GRIA4: variants seen among roughly 807,000 people sequenced by gnomAD.
GRIA4 encodes the protein glutamate receptor 4.
Under a neutral mutation model 104.0 loss-of-function variants are expected in GRIA4, and 34 were observed. The observed-to-expected ratio is 0.33, with a 90% CI of 0.25 to 0.44. The LOEUF (loss-of-function observed/expected upper bound fraction) is 0.44. GRIA4 is among the 20% of genes least tolerant of loss of function. The probability of loss-of-function intolerance (pLI) is 1.00; values close to 1 mark genes in which losing one functional copy is unlikely to be tolerated. For synonymous variants in GRIA4, 386 were observed against 381.9 expected (o/e 1.01, Z -0.13); for missense variants, 750 against 1,096.5 (o/e 0.68, Z 4.46).
intron 3 of GRIA4, among the ~76,000 whole-genome samples, chr11:105,632,583 A>T (rs1221719456): frequency 6.6e-6 from 1 of 152,174 alleles, no homozygotes; most frequent in African/African-American, 2.4e-5. Flanking sequence ...AATGGGAATG[A>T]CAACTTGCCT....
At chr11:105,761,165 G>T (rs929051445) in intron 4 of GRIA4, among the ~76,000 whole-genome samples, 5 of 151,842 alleles carry the variant, frequency 3.3e-5, no homozygotes, top group Admixed American at 1.3e-4. Flanking sequence ...AAAATATTTT[G>T]GAATTTTTAG....
chr11:105,727,422 C>T (rs759982763), intron 3 of GRIA4, among the ~76,000 whole-genome samples: 19 of 152,008 alleles, frequency 1.2e-4, no homozygotes, highest in East Asian at 7.7e-4. Context: ...CTGAAAGTGA[C>T]GGGAGAATGG....
chr11:105,965,644 T>G (rs1480980297), intron 14 of GRIA4, among the ~76,000 whole-genome samples: 1 of 148,242 alleles, frequency 6.7e-6, no homozygotes, highest in African/African-American at 2.5e-5. Context: ...TCTTTCTCAA[T>G]TACTAGTAAA....
chr11:105,742,299 C>A (rs1939361252), intron 3 of GRIA4, among the ~76,000 whole-genome samples: 1 of 152,020 alleles, frequency 6.6e-6, no homozygotes, highest in Non-Finnish European at 1.5e-5. Flanking sequence ...GCTTTAAACC[C>A]CTACACATAT....
chr11:105,838,113 A>G (rs1944261862), intron 4 of GRIA4, among the ~76,000 whole-genome samples: 1 of 152,234 alleles, frequency 6.6e-6, no homozygotes, highest in African/African-American at 2.4e-5. Flanking sequence ...AAGGTAAAAA[A>G]AGAATTATTT....
At chr11:105,922,530 A>G (rs1947592631) in intron 11 of GRIA4, among the ~76,000 whole-genome samples, 1 of 152,180 alleles carries the variant, frequency 6.6e-6, no homozygotes, top group South Asian at 2.1e-4. Context: ...GTAAAGCTGG[A>G]AACAATATGA....
At chr11:105,798,000 A>G (rs650951) in intron 4 of GRIA4, 166,618 of 345,226 alleles carry the variant, frequency 0.48, 41,062 homozygotes, top group Middle Eastern at 0.52. Flanking sequence ...AGCACCTACT[A>G]TGTGCCAGGA....
At chr11:105,923,444 T>C (rs1465862053) in intron 11 of GRIA4, among the ~76,000 whole-genome samples, 1 of 152,128 alleles carries the variant, frequency 6.6e-6, no homozygotes, top group Non-Finnish European at 1.5e-5. Flanking sequence ...TTTCATCATC[T>C]AGACAATGAT....
chr11:105,727,925 C>G (rs1345636287), intron 3 of GRIA4, among the ~76,000 whole-genome samples: 5 of 152,078 alleles, frequency 3.3e-5, no homozygotes, highest in African/African-American at 1.2e-4. Context: ...CAAAAACAAA[C>G]CAAAATGTAA....
rs148624519 is a variant in GRIA4 at position 105,701,152 on chromosome 11, G to A, written c.248-51829G>A. On this transcript the variant is annotated intron_variant, in intron 3 of 16. Transcript: ENST00000282499. ...CCTGAGACCGACTGAGGCACTTTTC[G>A]TCTGTGCCCATTTATTGTGCTGTTG... Among the ~76,000 whole-genome samples the A allele has an allele frequency of 2.5e-3, 386 of 152,238 alleles. 1 individual carries two copies. Among genetic ancestry groups the A allele is most frequent in the African/African-American group, 6.7e-3 (277 of 41,550 alleles).
At chr11:105,627,552 A>C (rs1429012632) in intron 3 of GRIA4, among the ~76,000 whole-genome samples, 1 of 152,192 alleles carries the variant, frequency 6.6e-6, no homozygotes, top group African/African-American at 2.4e-5. Flanking sequence ...ATACACTAAG[A>C]AGCCGTTTCC....
At chr11:105,918,971 T>C (rs1947482975) in intron 11 of GRIA4, 53 bp downstream of exon 11, 1 of 1,066,306 alleles carries the variant, frequency 9.4e-7, no homozygotes, top group African/African-American at 1.6e-5. Flanking sequence ...GAAACTTCTT[T>C]TCCCTTGGGC....
At chr11:105,774,579 G>C (rs1484866976) in intron 4 of GRIA4, among the ~76,000 whole-genome samples, 1 of 152,102 alleles carries the variant, frequency 6.6e-6, no homozygotes, top group East Asian at 1.9e-4. Context: ...AGGCATATTG[G>C]TGGTAGGAGA....
intron 3 of GRIA4, among the ~76,000 whole-genome samples, chr11:105,643,976 C>T (rs1951447557): frequency 6.6e-6 from 1 of 152,182 alleles, no homozygotes; most frequent in Admixed American, 6.5e-5. Context: ...GCCTCGGCCT[C>T]CCAGAGTGCT....
intron 4 of GRIA4, among the ~76,000 whole-genome samples, chr11:105,803,717 C>G (rs1942818641): frequency 6.6e-6 from 1 of 151,380 alleles, no homozygotes; most frequent in South Asian, 2.1e-4. Flanking sequence ...ATAAAGAACA[C>G]TTCATGAGCT....
At chr11:105,812,963 T>C (rs531312718) in intron 4 of GRIA4, among the ~76,000 whole-genome samples, 40 of 151,830 alleles carry the variant, frequency 2.6e-4, no homozygotes, top group African/African-American at 8.9e-4. Context: ...TAGCTGGGCA[T>C]AATGGTGGGC....
intron 3 of GRIA4, among the ~76,000 whole-genome samples, chr11:105,654,600 ATGAT>A (rs1186024468): frequency 1.3e-5 from 2 of 152,152 alleles, no homozygotes; most frequent in Admixed American, 6.5e-5. Flanking sequence ...AGAAGAGAAA[ATGAT>A]TACTGTGTCA....
At chr11:105,804,340 A>G (rs1942852312) in intron 4 of GRIA4, among the ~76,000 whole-genome samples, 1 of 131,444 alleles carries the variant, frequency 7.6e-6, no homozygotes, top group South Asian at 2.5e-4. Context: ...TTATTAAAAC[A>G]CACAAACACA....
intron 13 of GRIA4, among the ~76,000 whole-genome samples, chr11:105,933,051 C>A (rs1223455034): frequency 6.6e-6 from 1 of 151,854 alleles, no homozygotes; most frequent in African/African-American, 2.4e-5. Context: ...CCAGCCTGAG[C>A]AACATAACAA....
Sources: allele counts gnomAD v4.1 joint callset (sites outside exome capture counted in the v4.1 genomes callset), GRCh38; gene constraint gnomAD v4.1.1; transcripts MANE v1.5; gene names NCBI Gene and HGNC (gene_info 2026-07-23, HGNC 2026-07-21).